RAP1GDS1: variants seen among roughly 807,000 people sequenced by gnomAD.
RAP1GDS1 encodes Rap1 GTPase-GDP dissociation stimulator 1, also known as RAP1, GTP-GDP dissociation stimulator 1.
RAP1GDS1 carries 35 observed loss-of-function variants against 71.1 expected under a neutral mutation model. The observed-to-expected ratio is 0.49, with a 90% confidence interval of 0.38 to 0.65. The LOEUF is 0.65. RAP1GDS1 is among the 30% of genes least tolerant of loss of function. The pLI is 0.00. For synonymous variants in RAP1GDS1, 229 were observed against 243.1 expected (o/e 0.94, Z 0.54); for missense variants, 663 against 706.1 (o/e 0.94, Z 0.69).
Position 98,417,418 on chromosome 4 carries a change from G to C in RAP1GDS1, c.959G>C (p.Arg320Thr). The C allele has an allele frequency of 6.2e-7, 1 of 1,613,102 alleles. No homozygotes were observed. ...GGAGGAAAAGGTAGTGTATTTCAAA[G>C]GGTACTCTCTTGGATCCCATCAAAT... ...FEGGKGSVFQ[R>T]VLSWIPSNNH... The change falls in exon 9 of 15, where the codon AGG becomes ACG. Residue 320 changes from arginine (R) to threonine (T), a missense_variant. Transcript: ENST00000408927.
intron 1 of RAP1GDS1, among the ~76,000 whole-genome samples, chr4:98,282,598 G>GT (rs1553960569): frequency 4.7e-5 from 7 of 148,470 alleles, no homozygotes; most frequent in South Asian, 2.1e-4. Context: ...TTTTTGAAGG[G>GT]TTTTTTATGT....
At chr4:98,355,974 G>C (rs1737909351) in intron 4 of RAP1GDS1, among the ~76,000 whole-genome samples, 1 of 152,276 alleles carries the variant, frequency 6.6e-6, no homozygotes, top group East Asian at 1.9e-4. Flanking sequence ...TTTTCTTCCA[G>C]AGAGCTGCAA....
intron 4 of RAP1GDS1, among the ~76,000 whole-genome samples, chr4:98,358,409 T>C (rs1738251078): frequency 6.6e-6 from 1 of 152,072 alleles, no homozygotes; most frequent in Non-Finnish European, 1.5e-5. Flanking sequence ...ATCCCGAGTG[T>C]GTTGTTTTTT....
At chr4:98,323,799 A>G (rs552080162) in intron 2 of RAP1GDS1, among the ~76,000 whole-genome samples, 72 of 151,544 alleles carry the variant, frequency 4.8e-4, no homozygotes, top group African/African-American at 1.6e-3. Context: ...ATCTATGACA[A>G]ACCCACAGCC....
intron 12 of RAP1GDS1, among the ~76,000 whole-genome samples, chr4:98,422,460 C>G (rs1215120783): frequency 6.6e-6 from 1 of 152,048 alleles, no homozygotes; most frequent in Middle Eastern, 3.2e-3. Flanking sequence ...TCATGATCCT[C>G]CCACCTTGGC....
chr4:98,287,448 G>A (rs967290668), intron 1 of RAP1GDS1, among the ~76,000 whole-genome samples: 1 of 151,950 alleles, frequency 6.6e-6, no homozygotes, highest in African/African-American at 2.4e-5. Context: ...AATTAACCTG[G>A]AACAAAAGAG....
chr4:98,365,808 T>A (rs1450613459), intron 4 of RAP1GDS1, among the ~76,000 whole-genome samples: 1 of 152,194 alleles, frequency 6.6e-6, no homozygotes, highest in African/African-American at 2.4e-5. Flanking sequence ...CAAAGTAAGC[T>A]TTTCAGTTTA....
At chr4:98,337,463 G>C (rs1046894738) in intron 2 of RAP1GDS1, among the ~76,000 whole-genome samples, 1 of 152,078 alleles carries the variant, frequency 6.6e-6, no homozygotes, top group Non-Finnish European at 1.5e-5. Flanking sequence ...CACAAAAGCT[G>C]GTTTCTTATT....
intron 3 of RAP1GDS1, among the ~76,000 whole-genome samples, chr4:98,350,098 C>G (rs1560883417): frequency 6.6e-6 from 1 of 152,040 alleles, no homozygotes; most frequent in Non-Finnish European, 1.5e-5. Context: ...TAATTATTTA[C>G]CCTCTATTAT....
chr4:98,348,122 C>A (rs867944420), intron 3 of RAP1GDS1, among the ~76,000 whole-genome samples: 1 of 152,056 alleles, frequency 6.6e-6, no homozygotes, highest in Non-Finnish European at 1.5e-5. Flanking sequence ...CCCGTACCCC[C>A]ACCCCACAAC....
chr4:98,275,561 T>C (rs1482065382), intron 1 of RAP1GDS1, among the ~76,000 whole-genome samples: 1 of 152,200 alleles, frequency 6.6e-6, no homozygotes, highest in African/African-American at 2.4e-5. Flanking sequence ...GTAAAAGCCA[T>C]TATTTTTGCA....
chr4:98,283,881 A>C (rs1338748416), intron 1 of RAP1GDS1, among the ~76,000 whole-genome samples: 3 of 151,016 alleles, frequency 2.0e-5, no homozygotes, highest in Admixed American at 2.0e-4. Context: ...ACCTAGTACA[A>C]CTAGCTAACG....
intron 1 of RAP1GDS1, among the ~76,000 whole-genome samples, chr4:98,291,134 A>C (rs1253611188): frequency 6.6e-6 from 1 of 152,120 alleles, no homozygotes; most frequent in Non-Finnish European, 1.5e-5. Flanking sequence ...TGACAGAGTA[A>C]TTTTGATAGG....
intron 5 of RAP1GDS1, among the ~76,000 whole-genome samples, chr4:98,380,214 A>G (rs1216866428): frequency 6.6e-6 from 1 of 151,686 alleles, no homozygotes. Context: ...GGGGAAAACC[A>G]CTACTCTTCT....
At chr4:98,367,169 G>A in intron 4 of RAP1GDS1, among the ~76,000 whole-genome samples, 1 of 152,172 alleles carries the variant, frequency 6.6e-6, no homozygotes, top group South Asian at 2.1e-4. Context: ...CTGCCTTCCA[G>A]CCACTCCAGC....
chr4:98,327,211 C>G (rs1733253960), intron 2 of RAP1GDS1, among the ~76,000 whole-genome samples: 1 of 152,116 alleles, frequency 6.6e-6, no homozygotes, highest in South Asian at 2.1e-4. Flanking sequence ...CAGAGAGAGG[C>G]TCTCTTAACA....
chr4:98,422,410 G>T (rs1371421658), intron 12 of RAP1GDS1, among the ~76,000 whole-genome samples: 1 of 151,932 alleles, frequency 6.6e-6, no homozygotes, highest in East Asian at 2.0e-4. Flanking sequence ...TAGAGATGGG[G>T]TTTCACCATG....
intron 3 of RAP1GDS1, 55 bp from the exon 4 acceptor site, chr4:98,352,421 T>C (rs1737347272): frequency 2.5e-6 from 4 of 1,571,362 alleles, no homozygotes; most frequent in Non-Finnish European, 3.5e-6. Context: ...GGGGAGATGA[T>C]TTATGTAAAT....
At chr4:98,358,368 T>A (rs1188552755) in intron 4 of RAP1GDS1, among the ~76,000 whole-genome samples, 2 of 152,076 alleles carry the variant, frequency 1.3e-5, no homozygotes, top group Admixed American at 1.3e-4. Flanking sequence ...TACTGAGGAC[T>A]TTACAGAAGG....
Sources: allele counts gnomAD v4.1 joint callset (sites outside exome capture counted in the v4.1 genomes callset), GRCh38; gene constraint gnomAD v4.1.1; transcripts MANE v1.5; gene names NCBI Gene and HGNC (gene_info 2026-07-23, HGNC 2026-07-21).